CDC40: variants seen among roughly 807,000 people sequenced by gnomAD.
The protein encoded by CDC40 is pre-mRNA-processing factor 17.
Under a neutral mutation model 80.6 loss-of-function variants are expected in CDC40, and 27 were observed. The observed-to-expected ratio is 0.33, with a 90% CI of 0.25 to 0.46. The LOEUF is 0.46. CDC40 is among the 20% of genes least tolerant of loss of function. CDC40 has a pLI of 1.00. For synonymous variants in CDC40, 221 were observed against 232.6 expected, an observed-to-expected ratio of 0.95 and a Z score of 0.45; for missense variants, 486 against 694.1, an observed-to-expected ratio of 0.70 and a Z score of 3.37.
At chr6:110,229,576 G>A (rs1290007279) in intron 14 of CDC40, among the ~76,000 whole-genome samples, 1 of 152,146 alleles carries the variant, frequency 6.6e-6, no homozygotes, top group Non-Finnish European at 1.5e-5. Flanking sequence ...AAGCCAAAAA[G>A]TAATTATGAA....
At chr6:110,229,915 T>G in intron 14 of CDC40, 39 bp from the exon 15 acceptor site, 1 of 1,368,186 alleles carries the variant, frequency 7.3e-7, no homozygotes, top group Non-Finnish European at 1.0e-6. Flanking sequence ...CAATTTAAGG[T>G]ATTTTAATAA....
At chr6:110,198,269 C>T (rs1017825582) in intron 2 of CDC40, among the ~76,000 whole-genome samples, 3 of 151,816 alleles carry the variant, frequency 2.0e-5, no homozygotes, top group Admixed American at 2.0e-4. Context: ...CCTCCGTCTC[C>T]TGAGTTCAAG....
intron 8 of CDC40, 55 bp from the exon 9 acceptor site, chr6:110,215,231 T>C (rs1045851182): frequency 2.1e-6 from 3 of 1,415,490 alleles, no homozygotes; most frequent in Admixed American, 3.4e-5. Flanking sequence ...TGTTATTAAT[T>C]GAAGGACCTT....
At chr6:110,197,775 A>G (rs1046221659) in intron 2 of CDC40, among the ~76,000 whole-genome samples, 1 of 152,172 alleles carries the variant, frequency 6.6e-6, no homozygotes, top group Non-Finnish European at 1.5e-5. Flanking sequence ...TTCTTTTTCA[A>G]GGCAGAATAG....
At chr6:110,182,693 T>C (rs747175736) in intron 1 of CDC40, among the ~76,000 whole-genome samples, 4 of 152,186 alleles carry the variant, frequency 2.6e-5, no homozygotes, top group Non-Finnish European at 4.4e-5. Flanking sequence ...TCAGCCTTTT[T>C]GGGTAGTGGG....
Position 110,219,638 on chromosome 6 carries a change from C to T in CDC40, c.1207-98C>T, listed in dbSNP as rs187339598. Reference sequence around the variant, plus strand: ...GAAAAATTTACATTTATAAAAATATCGTGTTGAAGATCTTCTCCTTCTCCA... The same window carrying T: ...GAAAAATTTACATTTATAAAAATATTGTGTTGAAGATCTTCTCCTTCTCCA... On this transcript the variant is annotated intron_variant, in intron 11 of 14. Transcript: ENST00000307731. 2.8e-4 allele frequency: 390 copies of T among 1,369,024 alleles called. 2 individuals carry two copies. The African/African-American group carries it at 4.7e-3, about 16-fold the overall frequency. The allele number at this position is 1,369,024 out of a possible 1,614,324, so 84.8% of individuals were successfully genotyped here.
At chr6:110,186,456 C>G (rs1777272053) in intron 1 of CDC40, among the ~76,000 whole-genome samples, 1 of 151,860 alleles carries the variant, frequency 6.6e-6, no homozygotes, top group Non-Finnish European at 1.5e-5. Flanking sequence ...TGCACTCCAG[C>G]CTGGGAGACA....
chr6:110,202,946 A>G (rs1777512021), intron 3 of CDC40, among the ~76,000 whole-genome samples: 1 of 152,198 alleles, frequency 6.6e-6, no homozygotes, highest in Non-Finnish European at 1.5e-5. Context: ...AAGACAAAAA[A>G]TGAATTTGGG....
chr6:110,215,252 A>G (rs1403229548), intron 8 of CDC40, 34 bp from the exon 9 acceptor site: 1 of 1,577,164 alleles, frequency 6.3e-7, no homozygotes, highest in Admixed American at 1.7e-5. Context: ...TATTAAATGT[A>G]ATATTTCCAT....
chr6:110,200,614 T>A (rs1777482697), intron 2 of CDC40, among the ~76,000 whole-genome samples: 1 of 152,220 alleles, frequency 6.6e-6, no homozygotes, highest in Non-Finnish European at 1.5e-5. Flanking sequence ...TTTTACTCAA[T>A]TTTTAAAAGT....
intron 7 of CDC40, among the ~76,000 whole-genome samples, chr6:110,212,667 C>T (rs956231883): frequency 3.9e-5 from 6 of 152,250 alleles, no homozygotes; most frequent in Admixed American, 6.5e-5. Context: ...AGATTAGATG[C>T]GCCCTGGTTT....
intron 12 of CDC40, among the ~76,000 whole-genome samples, chr6:110,221,865 C>CTTTTTTTTTTTTTT (rs200106149): frequency 8.2e-6 from 1 of 121,266 alleles, no homozygotes. Context: ...TAGTATGTTT[C>CTTTTTTTTTTTTTT]TTTTTTTTTT....
At chr6:110,209,471 A>G (rs186308607) in intron 5 of CDC40, among the ~76,000 whole-genome samples, 4 of 152,280 alleles carry the variant, frequency 2.6e-5, no homozygotes, top group African/African-American at 7.2e-5. Context: ...CAATTTTCAT[A>G]AAGATTTCCT....
intron 12 of CDC40, among the ~76,000 whole-genome samples, chr6:110,222,408 T>G (rs1014440020): frequency 3.3e-5 from 5 of 151,218 alleles, no homozygotes; most frequent in Admixed American, 2.0e-4. Flanking sequence ...AATACAAAAA[T>G]TAGCTGGGCG....
chr6:110,191,863 T>C (rs1777352941), intron 1 of CDC40, among the ~76,000 whole-genome samples: 1 of 152,244 alleles, frequency 6.6e-6, no homozygotes, highest in Admixed American at 6.5e-5. Context: ...ATACTGACTT[T>C]ATTGAAATAT....
chr6:110,215,299 A>T lies in CDC40; in HGVS notation c.956A>T (p.Tyr319Phe). The change falls in exon 9 of 15, where the codon TAT becomes TTT. Residue 319 changes from tyrosine to phenylalanine, a missense_variant. Transcript: ENST00000307731. ...MDCKIKLWEV[Y>F]GERRCLRTFI... ...TTTCTCCCCCAGCTATGGGAGGTTT[A>T]TGGAGAACGGCGCTGTCTGAGAACA... 6.2e-7 allele frequency: 1 copy of T among 1,613,368 alleles called. No homozygotes were observed.
intron 3 of CDC40, among the ~76,000 whole-genome samples, chr6:110,207,171 TA>T (rs1777573627): frequency 1.3e-5 from 2 of 151,740 alleles, no homozygotes; most frequent in African/African-American, 2.4e-5. Flanking sequence ...AAAAGTTAGC[TA>T]GGGGTAATGA....
In CDC40 at chr6:110,219,843, T is replaced by C; in HGVS notation, c.1314T>C (p.Asp438=). ...DENRRFVSTS[D]DKSLRVWEWD... ...ATAGGAGATTTGTGAGCACATCTGA[T>C]GATAAAAGCCTAAGAGTTTGGGAAT... The change falls in exon 12 of 15, where the codon GAT becomes GAC. Residue 438 remains aspartate (D), a synonymous_variant. Coordinates refer to ENST00000307731, the MANE Select transcript of CDC40 (RefSeq NM_015891.3). 6.2e-7 allele frequency: 1 copy of C among 1,614,054 alleles called. No individual in the cohort carries two copies. The highest frequency in any genetic ancestry group is 8.5e-7 in the Non-Finnish European group (1 of 1,179,966).
In CDC40 at chr6:110,231,203, TATAAAATCAA is replaced by T. The variant is rs1777933224; in HGVS notation, c.*1073_*1082del. On this transcript the variant is annotated 3_prime_UTR_variant, in exon 15 of 15. Transcript: ENST00000307731. ...AAAATAGTTTTTGAAAACATCAGAT[TATAAAATCAA>T]GATAGTCCGGACGCGGTGGCACATG... 6.6e-6 allele frequency: 1 copy of T among 152,068 alleles called. No individual in the cohort carries two copies. Among genetic ancestry groups the T allele is most frequent in the Non-Finnish European group, 1.5e-5 (1 of 67,984 alleles). The allele number at this position is 152,068 out of a possible 1,614,324, so 9.4% of individuals were successfully genotyped here. A position where few individuals can be genotyped will look rare whatever the true frequency, so the allele number is the denominator to read the frequency against.
Sources: gnomAD v4.1 joint callset for allele counts (sites outside exome capture counted in the v4.1 genomes callset) on GRCh38, gnomAD v4.1.1 for gene constraint, MANE v1.5 for transcripts, NCBI Gene and HGNC (gene_info 2026-07-23, HGNC 2026-07-21) for gene names.